EP400: variants seen among roughly 807,000 people sequenced by gnomAD.
EP400 encodes E1A binding protein p400, also known as E1A-binding protein p400.
EP400 carries 105 observed loss-of-function variants against 354.1 expected under a neutral mutation model. That is an observed-to-expected ratio of 0.30 (90% CI 0.25 to 0.35). The LOEUF (loss-of-function observed/expected upper bound fraction) is 0.35. Among genes scored for constraint, EP400 ranks in the 10% least tolerant of loss-of-function variants. The probability of loss-of-function intolerance (pLI) is 1.00; values close to 1 mark genes in which losing one functional copy is unlikely to be tolerated. For missense variants in EP400, 3,280 were observed against 4,121.0 expected, an observed-to-expected ratio of 0.80 and a Z score of 5.59; for synonymous variants, 1,646 against 1,716.9, an observed-to-expected ratio of 0.96 and a Z score of 1.02.
intron 23 of EP400, among the ~76,000 whole-genome samples, chr12:132,022,974 A>G (rs1213586279): frequency 6.6e-6 from 1 of 152,144 alleles, no homozygotes; most frequent in Non-Finnish European, 1.5e-5. Flanking sequence ...TAGATTTTGA[A>G]GAGTTATGGG....
chr12:132,044,322 C>A lies in EP400; in HGVS notation c.6585+11C>A. The A allele has an allele frequency of 6.2e-7, 1 of 1,609,110 alleles. No homozygotes were observed. The highest frequency in any genetic ancestry group is 1.1e-5 in the South Asian group (1 of 90,838). On this transcript the variant is annotated intron_variant, in intron 35 of 52. Transcript: ENST00000389561. The stretch of plus-strand genomic sequence containing the variant: ...GATGCCTACAGCATGGTACCCGGCC[C>A]GGGGCCCTCCTGCCCTCTTGCCCCC...
intron 12 of EP400, among the ~76,000 whole-genome samples, chr12:131,997,309 C>T (rs1446936405): frequency 6.6e-6 from 1 of 150,852 alleles, no homozygotes; most frequent in Admixed American, 6.6e-5. Context: ...CTCACTCTGA[C>T]ACCTAGGCTG....
At chr12:132,047,818 G>T (rs1254284379) in intron 39 of EP400, among the ~76,000 whole-genome samples, 2 of 152,210 alleles carry the variant, frequency 1.3e-5, no homozygotes, top group South Asian at 2.1e-4. Context: ...GGCTACAGGA[G>T]ACTGGGGCTT....
chr12:132,032,640 CTTTTTT>C (rs920798941), intron 30 of EP400, among the ~76,000 whole-genome samples: 1 of 85,708 alleles, frequency 1.2e-5, no homozygotes, highest in Non-Finnish European at 2.5e-5. Context: ...TTTTTTTTTT[CTTTTTT>C]TTGAGATGGA....
In EP400 at chr12:132,017,633, G is replaced by A. The variant is rs774190617; in HGVS notation, c.4022G>A (p.Arg1341Gln). The A allele has an allele frequency of 1.4e-5, 23 of 1,609,102 alleles. No homozygotes were observed. Among genetic ancestry groups the A allele is most frequent in the Middle Eastern group, 3.3e-4 (2 of 6,066 alleles). ...AACCACCCTGGGCTCGTCGAGCCCCGGCACCCAGGCTCTTCCTACGTGGCG... is the reference window on the plus strand; with the variant it reads ...AACCACCCTGGGCTCGTCGAGCCCCAGCACCCAGGCTCTTCCTACGTGGCG... Reference protein sequence around the residue: ...ICNHPGLVEPRHPGSSYVAGP... With the variant: ...ICNHPGLVEPQHPGSSYVAGP... The change falls in exon 20 of 53, where the codon CGG (arginine) becomes CAG (glutamine). Residue 1341 changes from arginine to glutamine, a missense_variant. Arg to Gln is a conservative substitution (Grantham distance 43). Coordinates refer to ENST00000389561, the MANE Select transcript of EP400 (RefSeq NM_015409.5). This position sits in a 1 kb window ranked among gnomAD's most constrained non-coding sequence, Gnocchi z 5.0.
At chr12:132,033,068 C>T (rs1263298623) in intron 30 of EP400, among the ~76,000 whole-genome samples, 1 of 152,128 alleles carries the variant, frequency 6.6e-6, no homozygotes, top group Non-Finnish European at 1.5e-5. Context: ...CCGCCTCAGC[C>T]CCCCGAGGAG....
At chr12:132,048,334 G>C (rs556647418) in intron 39 of EP400, among the ~76,000 whole-genome samples, 2 of 152,242 alleles carry the variant, frequency 1.3e-5, no homozygotes, top group East Asian at 3.9e-4. Context: ...AATTATAAAA[G>C]TATTAATTTG....
Position 132,013,958 on chromosome 12 carries a change from T to C in EP400, c.3923+45T>C. ...ATGTGCCCCCTTTGCTGTCCCTGCC[T>C]GTGAGGGAAAACGGCCCTTTCTGTG... On this transcript the variant is annotated intron_variant, in intron 19 of 52. Transcript: ENST00000389561. The surrounding 1 kb of genome is among the most constrained non-coding windows in gnomAD (Gnocchi z 4.5). 2 of 1,599,688 alleles carry C rather than the reference T, an allele frequency of 1.3e-6. No individual in the cohort carries two copies. Among genetic ancestry groups the C allele is most frequent in the Non-Finnish European group, 1.7e-6 (2 of 1,173,606 alleles).
chr12:131,954,898 T>A (rs781075839), intron 1 of EP400, among the ~76,000 whole-genome samples: 7 of 150,924 alleles, frequency 4.6e-5, no homozygotes, highest in Non-Finnish European at 1.0e-4. Flanking sequence ...TGTGGTGGCG[T>A]GTAAGTCCCA....
chr12:132,045,727 G>A lies in EP400; in HGVS notation c.7027G>A (p.Ala2343Thr). The change falls in exon 39 of 53, where the codon GCT (alanine) becomes ACT (threonine). Residue 2343 changes from alanine to threonine, a missense_variant and splice_region_variant. Around this residue, in one of 20 missense-constraint regions of EP400, gnomAD observed 84 missense variants for 133.0 expected, o/e 0.63. Transcript: ENST00000389561. ...TTTTACCTGAAATCTCCTTCTCTAG[G>A]CTGTAAAGCAGTTACTGGAGCTGCC... ...LISEDWALLQ[A>T]VKQLLELPLN... 6.2e-7 allele frequency: 1 copy of A among 1,614,188 alleles called. No homozygotes were observed. Among genetic ancestry groups the A allele is most frequent in the Non-Finnish European group, 8.5e-7 (1 of 1,180,026 alleles).
intron 51 of EP400, chr12:132,076,248 A>C: frequency 2.3e-6 from 1 of 435,256 alleles, no homozygotes; most frequent in Non-Finnish European, 4.4e-6. Flanking sequence ...CGTTTTTGTG[A>C]AAAGAAAAAA....
rs960862827 is a variant in EP400 at position 132,013,251 on chromosome 12, A to G, written c.3611+73A>G. The G allele has an allele frequency of 1.3e-5, 20 of 1,515,422 alleles. No individual in the cohort carries two copies. In the African/African-American group the frequency reaches 1.8e-4, roughly 14 times the overall value. The allele number at this position is 1,515,422 out of a possible 1,614,324, so 93.9% of individuals were successfully genotyped here. On this transcript the variant is annotated intron_variant, in intron 17 of 52. Transcript: ENST00000389561. The surrounding 1 kb of genome is among the most constrained non-coding windows in gnomAD (Gnocchi z 4.5). ...AGAAGATTCTCTTGAAGAAATCTGC[A>G]TAATTGCAGACACAAACAATGGCCT...
At chr12:132,042,141 T>C (rs1235549998) in intron 32 of EP400, among the ~76,000 whole-genome samples, 1 of 151,922 alleles carries the variant, frequency 6.6e-6, no homozygotes, top group African/African-American at 2.4e-5. Context: ...AATAGAGACG[T>C]GGTTTCTCCA....
chr12:131,991,522 T>A, intron 10 of EP400, 66 bp downstream of exon 10: 3 of 1,413,782 alleles, frequency 2.1e-6, no homozygotes, highest in Non-Finnish European at 3.0e-6. Flanking sequence ...GAGTGGGCCT[T>A]TTCATTCTTA....
chr12:132,034,346 A>G (rs1465576185), intron 30 of EP400, among the ~76,000 whole-genome samples: 2 of 152,230 alleles, frequency 1.3e-5, no homozygotes, highest in African/African-American at 2.4e-5. Flanking sequence ...AAGTGTGAAG[A>G]CACACTTTGT....
In EP400 at chr12:131,981,602, G is replaced by A; in HGVS notation, c.1543+6G>A. 1 of 1,590,150 alleles carries A rather than the reference G, an allele frequency of 6.3e-7. No individual in the cohort carries two copies. The highest frequency in any genetic ancestry group is 8.6e-7 in the Non-Finnish European group (1 of 1,168,380). ...ACTAATGCCGACCGCACAAGGTAAG[G>A]CCCAGCAGCAGAGCCAGCTCCCCGC... On this transcript the variant is annotated splice_donor_region_variant and intron_variant, in intron 4 of 52. Coordinates refer to ENST00000389561, the MANE Select transcript of EP400 (RefSeq NM_015409.5).
rs917093195 is a variant in EP400 at position 132,018,762 on chromosome 12, T to C, written c.4277+386T>C. On this transcript the variant is annotated intron_variant, in intron 21 of 52. Coordinates refer to ENST00000389561, the MANE Select transcript of EP400 (RefSeq NM_015409.5). This position sits in a 1 kb window ranked among gnomAD's most constrained non-coding sequence, Gnocchi z 4.0. ...GATGTCATTGTCTTAACAAGTGACA[T>C]GTGAGTGATTCTGAAGTGATGCTTT... Among the ~76,000 whole-genome samples the C allele has an allele frequency of 6.6e-6, 1 of 152,186 alleles. No individual in the cohort carries two copies. The highest frequency in any genetic ancestry group is 1.5e-5 in the Non-Finnish European group (1 of 68,024).
In EP400 at chr12:132,017,552, A is replaced by G. The variant is rs1893985844; in HGVS notation, c.3941A>G (p.Lys1314Arg). ...ILQPGTQEALKSGHFVNVLSI... is the reference protein window; with the variant it reads ...ILQPGTQEALRSGHFVNVLSI... ...ACGGGCAGCACTCAGGAGGCCTTGAAGAGCGGGCACTTTGTCAACGTCCTG... is the reference window on the plus strand; with the variant it reads ...ACGGGCAGCACTCAGGAGGCCTTGAGGAGCGGGCACTTTGTCAACGTCCTG... The change falls in exon 20 of 53, where the codon AAG becomes AGG. Residue 1314 changes from lysine (K) to arginine (R), a missense_variant. By Grantham distance (26) the Lys-to-Arg change is conservative (BLOSUM62 2). Around this residue, in one of 20 missense-constraint regions of EP400, gnomAD observed 242 missense variants for 357.9 expected, o/e 0.68. Transcript: ENST00000389561. This position sits in a 1 kb window ranked among gnomAD's most constrained non-coding sequence, Gnocchi z 5.0. 6.2e-7 allele frequency: 1 copy of G among 1,613,936 alleles called. No individual in the cohort carries two copies. Among genetic ancestry groups the G allele is most frequent in the African/African-American group, 1.3e-5 (1 of 74,918 alleles).
At chr12:131,988,513 T>A (rs1388470051) in intron 7 of EP400, among the ~76,000 whole-genome samples, 2 of 152,202 alleles carry the variant, frequency 1.3e-5, no homozygotes, top group African/African-American at 4.8e-5. Context: ...CTTTCCTGCC[T>A]GGCCACACGG....
Sources: allele counts gnomAD v4.1 joint callset (sites outside exome capture counted in the v4.1 genomes callset), GRCh38; gene constraint gnomAD v4.1.1; regional missense constraint gnomAD v4.1.1; non-coding constraint Gnocchi (gnomAD v3.1); transcripts MANE v1.5; gene names NCBI Gene and HGNC (gene_info 2026-07-23, HGNC 2026-07-21).